Variants in ENDOD1 observed in about 807,000 individuals in gnomAD.
The protein encoded by ENDOD1 is endonuclease domain containing 1.
A neutral mutation model predicts 6.5 loss-of-function variants in ENDOD1; 9 were observed. The ratio of observed to expected loss-of-function variants is 1.39; its 90% CI spans 0.84 to 2.43. ENDOD1 has a LOEUF of 2.43. Among genes scored for constraint, ENDOD1 ranks in the 30% most tolerant of loss-of-function variants. ENDOD1 has a pLI of 0.00. For missense variants in ENDOD1, 648 were observed against 635.5 expected (o/e 1.02, Z -0.21); for synonymous variants, 255 against 255.2 (o/e 1.00, Z 0.01).
At chr11:95,113,685 T>C (rs1464877234) in intron 1 of ENDOD1, among the ~76,000 whole-genome samples, 1 of 152,200 alleles carries the variant, frequency 6.6e-6, no homozygotes, top group Non-Finnish European at 1.5e-5. Context: ...ATCTTAGCTA[T>C]TGTGAACAGT....
intron 1 of ENDOD1, among the ~76,000 whole-genome samples, chr11:95,125,162 C>A (rs1859299504): frequency 6.6e-6 from 1 of 152,122 alleles, no homozygotes; most frequent in Non-Finnish European, 1.5e-5. Context: ...GCATGCTCCC[C>A]CTATGCTCTG....
At chr11:95,105,671 T>G (rs1305872787) in intron 1 of ENDOD1, among the ~76,000 whole-genome samples, 2 of 152,248 alleles carry the variant, frequency 1.3e-5, no homozygotes, top group Admixed American at 6.5e-5. Flanking sequence ...ACATGCGGTG[T>G]TTGGTTTTCT....
rs769008677 is a variant in ENDOD1 at position 95,128,491 on chromosome 11, T to G, written c.415T>G (p.Tyr139Asp). 4.3e-6 allele frequency: 7 copies of G among 1,614,246 alleles called. No individual in the cohort carries two copies. Among genetic ancestry groups the G allele is most frequent in the Non-Finnish European group, 4.2e-6 (5 of 1,180,036 alleles). Residue 139 changes from tyrosine (Y) to aspartate (D), a missense_variant, in exon 2 of 2, where the codon TAC becomes GAC. Tyr to Asp is a radical substitution (Grantham distance 160). Transcript: ENST00000278505. ...GAATACAGATTACCTTGATTCTGAT[T>G]ACCAAAGAGGACAGCTTTACCCATT... ...ALNTDYLDSD[Y>D]QRGQLYPFSL...
intron 1 of ENDOD1, among the ~76,000 whole-genome samples, chr11:95,103,902 G>A (rs188542868): frequency 1.8e-3 from 276 of 152,332 alleles, no homozygotes; most frequent in African/African-American, 6.4e-3. Context: ...GACCGTGTCT[G>A]CCTTGTGGAC....
At chr11:95,110,583 ATGTGTGTGTGTG>A (rs35270641) in intron 1 of ENDOD1, among the ~76,000 whole-genome samples, 7 of 147,688 alleles carry the variant, frequency 4.7e-5, no homozygotes, top group Admixed American at 6.8e-5. Context: ...CCGTGTATGT[ATGTGTGTGTGTG>A]TGTGTGTGTG....
At chr11:95,103,802 A>G (rs1204419826) in intron 1 of ENDOD1, among the ~76,000 whole-genome samples, 1 of 152,226 alleles carries the variant, frequency 6.6e-6, no homozygotes, top group Non-Finnish European at 1.5e-5. Context: ...TCAGGGAGAC[A>G]ATGTGTGCAA....
chr11:95,090,327 C>T (rs1484982766), intron 1 of ENDOD1, 100 bp downstream of exon 1: 4 of 1,328,446 alleles, frequency 3.0e-6, no homozygotes, highest in Middle Eastern at 2.8e-4. Flanking sequence ...CCGGGAACAG[C>T]AATCCCTACG....
At position 95,128,846 on chromosome 11, in the gene ENDOD1, T is replaced by C; in HGVS notation, c.770T>C (p.Leu257Pro). The C allele has an allele frequency of 6.2e-7, 1 of 1,614,206 alleles. No homozygotes were observed. Among genetic ancestry groups the C allele is most frequent in the Non-Finnish European group, 8.5e-7 (1 of 1,180,028 alleles). ...EDVMVKDLQK[L>P]LPFNPQLFQN... is the part of the protein sequence containing the mutation. ...GTGATGGTAAAAGATCTTCAGAAAC[T>C]GCTTCCATTTAACCCTCAGCTGTTT... Residue 257 changes from leucine to proline, a missense_variant, in exon 2 of 2, where the codon CTG (leucine) becomes CCG (proline). By Grantham distance (98) the Leu-to-Pro change is moderately conservative. Coordinates refer to ENST00000278505, the MANE Select transcript of ENDOD1 (RefSeq NM_015036.3).
At chr11:95,110,467 G>T (rs1337877803) in intron 1 of ENDOD1, among the ~76,000 whole-genome samples, 1 of 152,106 alleles carries the variant, frequency 6.6e-6, no homozygotes, top group African/African-American at 2.4e-5. Flanking sequence ...AACTTTTGAG[G>T]AGCCTACAGT....
In ENDOD1 at chr11:95,129,617, GA is replaced by G; in HGVS notation, c.*41del. The G allele has an allele frequency of 6.4e-7, 1 of 1,568,550 alleles. No homozygotes were observed. Among genetic ancestry groups the G allele is most frequent in the Non-Finnish European group, 8.7e-7 (1 of 1,155,974 alleles). ...AATAGTATCCAGTCACAGTGAATTT[GA>G]AAGCTGGAATAGTTTGTCTTTACAA... On this transcript the variant is annotated 3_prime_UTR_variant, in exon 2 of 2. Transcript: ENST00000278505.
chr11:95,090,303 C>T (rs1858916754), intron 1 of ENDOD1, 76 bp downstream of exon 1: 1 of 1,343,946 alleles, frequency 7.4e-7, no homozygotes, highest in Non-Finnish European at 9.5e-7. Flanking sequence ...GTTGCAGCTA[C>T]CGCGAGGGGC....
chr11:95,101,718 G>A (rs1859042747), intron 1 of ENDOD1, among the ~76,000 whole-genome samples: 1 of 152,072 alleles, frequency 6.6e-6, no homozygotes, highest in South Asian at 2.1e-4. Context: ...TAGTTCCCAA[G>A]GTTCAGCATT....
chr11:95,106,257 C>T (rs782247314), intron 1 of ENDOD1, among the ~76,000 whole-genome samples: 1 of 152,174 alleles, frequency 6.6e-6, no homozygotes, highest in Non-Finnish European at 1.5e-5. Context: ...GAGGTCAGAG[C>T]TGAGGCTTGG....
At chr11:95,114,009 C>A (rs1859176643) in intron 1 of ENDOD1, among the ~76,000 whole-genome samples, 1 of 152,180 alleles carries the variant, frequency 6.6e-6, no homozygotes, top group South Asian at 2.1e-4. Flanking sequence ...ATTTGCATTT[C>A]TCTGATGGTT....
chr11:95,097,492 C>T lies in ENDOD1; in HGVS notation c.300+7265C>T, dbSNP rs77735783. ...GAGGTCAGAGAAGTGGGGAAGGAGA[C>T]GGCAGATCATTTAGATTCTTCTGAG... On this transcript the variant is annotated intron_variant, in intron 1 of 1. Transcript: ENST00000278505. Among the ~76,000 whole-genome samples, 825 of 152,122 alleles carry T rather than the reference C, an allele frequency of 5.4e-3. 9 individuals are homozygous for T. Among genetic ancestry groups the T allele is most frequent in the Non-Finnish European group, 5.1e-3 (347 of 68,012 alleles).
rs1266158465 is a variant in ENDOD1 at position 95,089,859 on chromosome 11, C to A, written c.-69C>A. 7.9e-7 allele frequency: 1 copy of A among 1,261,022 alleles called. No individual in the cohort carries two copies. Among genetic ancestry groups the A allele is most frequent in the East Asian group, 3.3e-5 (1 of 30,196 alleles). 78.1% of individuals were successfully genotyped at this position (1,261,022 alleles called of 1,614,324 possible). ...CTGCTCGGCTGCGTAGTGCGCTCCC[C>A]GCCCAGCCTGCAGAGCTCGCGCCGC... On this transcript the variant is annotated 5_prime_UTR_variant, in exon 1 of 2. Transcript: ENST00000278505.
At chr11:95,113,923 C>T (rs1859175649) in intron 1 of ENDOD1, among the ~76,000 whole-genome samples, 1 of 152,142 alleles carries the variant, frequency 6.6e-6, no homozygotes, top group African/African-American at 2.4e-5. Context: ...TGCATCTTTA[C>T]CAGCATTTGT....
At position 95,120,404 on chromosome 11, in the gene ENDOD1, C is replaced by A. The variant is rs949538268; in HGVS notation, c.301-7973C>A. The stretch of plus-strand genomic sequence containing the variant: ...ATGATGAATCCTCCCAGGACTAGGT[C>A]CTTCCCTTCAAGACAACACGTTTTC... On this transcript the variant is annotated intron_variant, in intron 1 of 1. Coordinates refer to ENST00000278505, the MANE Select transcript of ENDOD1 (RefSeq NM_015036.3). Among the ~76,000 whole-genome samples, 9 of 152,188 alleles carry A rather than the reference C, an allele frequency of 5.9e-5. No individual in the cohort carries two copies. In the East Asian group the frequency reaches 1.7e-3, roughly 29 times the overall value.
chr11:95,126,514 T>A (rs1417510340), intron 1 of ENDOD1, among the ~76,000 whole-genome samples: 7 of 152,212 alleles, frequency 4.6e-5, no homozygotes, highest in Non-Finnish European at 1.0e-4. Flanking sequence ...TCCCCAGGAA[T>A]CAAACAACCA....
Sources: allele counts gnomAD v4.1 joint callset (sites outside exome capture counted in the v4.1 genomes callset), GRCh38; gene constraint gnomAD v4.1.1; transcripts MANE v1.5; gene names NCBI Gene and HGNC (gene_info 2026-07-23, HGNC 2026-07-21).